The following IMMP2L variants were observed in gnomAD, a reference collection of about 807,000 sequenced individuals.
The protein encoded by IMMP2L is mitochondrial inner membrane protease subunit 2.
IMMP2L carries 18 observed loss-of-function variants against 19.3 expected under a neutral mutation model. That is an observed-to-expected ratio of 0.93 (90% CI 0.64 to 1.38). The LOEUF is 1.38. Among genes scored for constraint, IMMP2L ranks in the 40% most tolerant of loss-of-function variants. The pLI is 0.00. For missense variants in IMMP2L, 233 were observed against 218.2 expected (o/e 1.07, Z -0.43); for synonymous variants, 76 against 73.0 (o/e 1.04, Z -0.21).
chr7:111,418,838 T>C (rs1201648279), intron 3 of IMMP2L, among the ~76,000 whole-genome samples: 1 of 151,886 alleles, frequency 6.6e-6, no homozygotes, highest in Non-Finnish European at 1.5e-5. Flanking sequence ...ATTATATTTG[T>C]ACACATACAA....
At chr7:110,874,703 T>C (rs1467639147) in intron 5 of IMMP2L, among the ~76,000 whole-genome samples, 2 of 152,130 alleles carry the variant, frequency 1.3e-5, no homozygotes, top group African/African-American at 4.8e-5. Context: ...AAGTTCTTTA[T>C]AAAATATACT....
intron 4 of IMMP2L, among the ~76,000 whole-genome samples, chr7:110,935,853 A>G (rs958086282): frequency 6.6e-6 from 1 of 152,190 alleles, no homozygotes; most frequent in African/African-American, 2.4e-5. Flanking sequence ...AAACAGATAT[A>G]TAGACCAATG....
At chr7:110,954,659 C>T (rs942876308) in intron 4 of IMMP2L, among the ~76,000 whole-genome samples, 1 of 151,998 alleles carries the variant, frequency 6.6e-6, no homozygotes, top group Non-Finnish European at 1.5e-5. Flanking sequence ...AAGTAATTTG[C>T]CAAAGTGGCA....
chr7:110,853,096 G>C (rs948829028), intron 5 of IMMP2L, among the ~76,000 whole-genome samples: 2 of 151,786 alleles, frequency 1.3e-5, no homozygotes, highest in Non-Finnish European at 2.9e-5. Flanking sequence ...TGTATAACTT[G>C]ATTACATTTG....
chr7:110,806,731 A>G (rs554229830), intron 5 of IMMP2L, among the ~76,000 whole-genome samples: 3 of 152,124 alleles, frequency 2.0e-5, no homozygotes, highest in African/African-American at 7.2e-5. Context: ...TCAATTTAGA[A>G]ATATGATCCA....
chr7:111,233,394 C>T (rs753161443), intron 3 of IMMP2L, among the ~76,000 whole-genome samples: 4 of 151,948 alleles, frequency 2.6e-5, no homozygotes, highest in Non-Finnish European at 5.9e-5. Context: ...GTTCAAAATA[C>T]TCTCTAACAT....
At chr7:111,318,550 C>T (rs995139877) in intron 3 of IMMP2L, among the ~76,000 whole-genome samples, 1 of 152,024 alleles carries the variant, frequency 6.6e-6, no homozygotes, top group African/African-American at 2.4e-5. Flanking sequence ...TGACTAAACC[C>T]TAGACAAAAG....
At chr7:111,302,583 A>G (rs1822388553) in intron 3 of IMMP2L, among the ~76,000 whole-genome samples, 1 of 152,140 alleles carries the variant, frequency 6.6e-6, no homozygotes, top group African/African-American at 2.4e-5. Flanking sequence ...TGTTCCCATT[A>G]TATAAATAAA....
chr7:110,698,948 A>G (rs1219401198), intron 5 of IMMP2L, among the ~76,000 whole-genome samples: 1 of 152,230 alleles, frequency 6.6e-6, no homozygotes, highest in Non-Finnish European at 1.5e-5. Flanking sequence ...ACGACATGGT[A>G]ATCGTTTTTA....
At chr7:111,494,695 G>C (rs1314283089) in intron 2 of IMMP2L, among the ~76,000 whole-genome samples, 1 of 152,124 alleles carries the variant, frequency 6.6e-6, no homozygotes, top group African/African-American at 2.4e-5. Flanking sequence ...ATCTCATGGA[G>C]TTGCTACAAG....
At chr7:110,745,073 G>A (rs1433342208) in intron 5 of IMMP2L, among the ~76,000 whole-genome samples, 2 of 152,192 alleles carry the variant, frequency 1.3e-5, no homozygotes, top group African/African-American at 4.8e-5. Flanking sequence ...CTGATGGGCT[G>A]AAAAACATAG....
At chr7:111,113,999 A>G (rs183969114) in intron 3 of IMMP2L, among the ~76,000 whole-genome samples, 1 of 152,326 alleles carries the variant, frequency 6.6e-6, no homozygotes, top group East Asian at 1.9e-4. Context: ...GGCCTAATTA[A>G]ATCCCTCTAA....
intron 3 of IMMP2L, among the ~76,000 whole-genome samples, chr7:111,485,368 G>C (rs1842542574): frequency 1.3e-5 from 2 of 151,976 alleles, no homozygotes; most frequent in African/African-American, 4.8e-5. Context: ...GGGAGGCCGA[G>C]GTGGATAGAT....
intron 3 of IMMP2L, among the ~76,000 whole-genome samples, chr7:111,450,295 A>C: frequency 6.6e-6 from 1 of 151,552 alleles, no homozygotes; most frequent in East Asian, 1.9e-4. Context: ...GCATCACACT[A>C]CATGACTTCA....
chr7:110,746,233 C>G (rs1424127965), intron 5 of IMMP2L, among the ~76,000 whole-genome samples: 2 of 152,142 alleles, frequency 1.3e-5, no homozygotes, highest in African/African-American at 4.8e-5. Flanking sequence ...GCACCCAATA[C>G]AGGAGCACCC....
At chr7:111,388,674 G>C (rs973450321) in intron 3 of IMMP2L, among the ~76,000 whole-genome samples, 1 of 151,996 alleles carries the variant, frequency 6.6e-6, no homozygotes, top group African/African-American at 2.4e-5. Flanking sequence ...AGTGGCAAGA[G>C]AAAAATGAGG....
intron 3 of IMMP2L, among the ~76,000 whole-genome samples, chr7:110,965,988 G>A (rs1462669639): frequency 6.6e-6 from 1 of 151,810 alleles, no homozygotes; most frequent in Non-Finnish European, 1.5e-5. Context: ...TTGGCCACAT[G>A]GATAGTTAAA....
intron 5 of IMMP2L, among the ~76,000 whole-genome samples, chr7:110,775,282 G>GTGTGTGTGTGTGT (rs1799310559): frequency 5.4e-5 from 3 of 55,464 alleles, no homozygotes; most frequent in African/African-American, 1.7e-4. Context: ...TGTGTGTGTG[G>GTGTGTGTGTGTGT]TTCTGATCTA....
At chr7:110,845,118 TTC>T (rs1450098153) in intron 5 of IMMP2L, among the ~76,000 whole-genome samples, 1 of 152,122 alleles carries the variant, frequency 6.6e-6, no homozygotes, top group Non-Finnish European at 1.5e-5. Context: ...GCTCAGAGCT[TTC>T]TCTCTCACCT....
Sources: gnomAD v4.1 joint callset for allele counts (sites outside exome capture counted in the v4.1 genomes callset) on GRCh38, gnomAD v4.1.1 for gene constraint, MANE v1.5 for transcripts, NCBI Gene and HGNC (gene_info 2026-07-23, HGNC 2026-07-21) for gene names.